Variants in CACNB2 observed in about 807,000 individuals in gnomAD.
CACNB2 encodes voltage-dependent L-type calcium channel subunit beta-2.
In CACNB2, 42 loss-of-function variants were observed where a neutral mutation model predicts 73.3. That is an observed-to-expected ratio of 0.57 (90% CI 0.45 to 0.74). The LOEUF (loss-of-function observed/expected upper bound fraction) is 0.74, where lower values mean the gene tolerates loss of function less well. Among genes scored for constraint, CACNB2 ranks in the 30% least tolerant of loss-of-function variants. The pLI is 0.00. For missense variants in CACNB2, 940 were observed against 853.0 expected (o/e 1.10, Z -1.27); for synonymous variants, 348 against 310.3 (o/e 1.12, Z -1.28).
At chr10:18,433,001 C>T (rs1259105562) in intron 3 of CACNB2, among the ~76,000 whole-genome samples, 1 of 152,060 alleles carries the variant, frequency 6.6e-6, no homozygotes, top group Non-Finnish European at 1.5e-5. Flanking sequence ...TATGACTGCC[C>T]AAATATCGCT....
At chr10:18,190,665 A>G (rs1279742293) in intron 2 of CACNB2, among the ~76,000 whole-genome samples, 1 of 152,194 alleles carries the variant, frequency 6.6e-6, no homozygotes, top group Admixed American at 6.5e-5. Context: ...TGGGATGCAT[A>G]TATTGATTTA....
At chr10:18,287,469 T>C (rs1413724637) in intron 2 of CACNB2, among the ~76,000 whole-genome samples, 1 of 152,220 alleles carries the variant, frequency 6.6e-6, no homozygotes. Context: ...ACATCTGTAT[T>C]AGCTAGGGCT....
chr10:18,286,705 A>C (rs975591533), intron 2 of CACNB2, among the ~76,000 whole-genome samples: 1 of 152,168 alleles, frequency 6.6e-6, no homozygotes, highest in African/African-American at 2.4e-5. Flanking sequence ...AGATGGACTT[A>C]AGATTGTGAT....
intron 2 of CACNB2, among the ~76,000 whole-genome samples, chr10:18,305,074 A>G (rs988230428): frequency 8.5e-5 from 13 of 152,340 alleles, no homozygotes; most frequent in African/African-American, 2.6e-4. Context: ...TCTTATTCCA[A>G]TTCTTCCATG....
At chr10:18,176,609 T>C (rs997031657) in intron 2 of CACNB2, among the ~76,000 whole-genome samples, 5 of 150,602 alleles carry the variant, frequency 3.3e-5, no homozygotes, top group South Asian at 2.1e-4. Context: ...TGAAGGAACA[T>C]TGAAAGTGAT....
intron 9 of CACNB2, among the ~76,000 whole-genome samples, chr10:18,522,465 C>A (rs1456977704): frequency 6.6e-6 from 1 of 152,102 alleles, no homozygotes; most frequent in Non-Finnish European, 1.5e-5. Context: ...AGATTTCTTA[C>A]TATAGTACTT....
chr10:18,360,264 G>C (rs1035733191), intron 2 of CACNB2, among the ~76,000 whole-genome samples: 2 of 152,162 alleles, frequency 1.3e-5, no homozygotes, highest in Non-Finnish European at 2.9e-5. Flanking sequence ...TCACTCTGTT[G>C]CCTAGGCTGG....
At chr10:18,243,918 G>A (rs1588826428) in intron 2 of CACNB2, among the ~76,000 whole-genome samples, 1 of 152,176 alleles carries the variant, frequency 6.6e-6, no homozygotes, top group African/African-American at 2.4e-5. Context: ...CTAAGACAGG[G>A]AACAACGAGA....
At chr10:18,399,568 A>G (rs904592139) in intron 2 of CACNB2, among the ~76,000 whole-genome samples, 1 of 151,950 alleles carries the variant, frequency 6.6e-6, no homozygotes, top group Admixed American at 6.6e-5. Context: ...AGACTTTTTG[A>G]GATAGGGTCT....
chr10:18,336,783 C>T (rs554463334), intron 2 of CACNB2, among the ~76,000 whole-genome samples: 4 of 152,294 alleles, frequency 2.6e-5, no homozygotes, highest in African/African-American at 9.6e-5. Context: ...TAAAAAATAT[C>T]CTAACCCATA....
chr10:18,236,236 G>A (rs74117927), intron 2 of CACNB2, among the ~76,000 whole-genome samples: 4,848 of 152,216 alleles, frequency 0.032, 237 homozygotes, highest in African/African-American at 0.11. Context: ...GGCTGATGCC[G>A]TTCTGTCACT....
At chr10:18,244,854 G>A (rs958037639) in intron 2 of CACNB2, among the ~76,000 whole-genome samples, 1 of 152,224 alleles carries the variant, frequency 6.6e-6, no homozygotes, top group African/African-American at 2.4e-5. Flanking sequence ...GGATTAGCTG[G>A]GTGGGCACAG....
At chr10:18,512,973 A>G in intron 6 of CACNB2, 1 of 227,992 alleles carries the variant, frequency 4.4e-6, no homozygotes, top group Admixed American at 4.8e-5. Context: ...CGCCGGCTGC[A>G]GGTGTTGCAG....
rs193139218 is a variant in CACNB2, at chr10:18,376,265, A to C, written c.214-25659A>C. On this transcript the variant is annotated intron_variant, in intron 2 of 13. Transcript: ENST00000324631. The stretch of plus-strand genomic sequence containing the variant: ...CAGAAAGACAAATTTCTCATGTTCT[A>C]GCTTCCACTTATTTGTGTGAAGCTA... Among the ~76,000 whole-genome samples, 254 of 152,332 alleles carry C rather than the reference A, an allele frequency of 1.7e-3. 5 individuals are homozygous for C. Among genetic ancestry groups the C allele is most frequent in the Admixed American group, 0.013 (206 of 15,292 alleles).
chr10:18,416,891 G>A (rs1490366589), intron 3 of CACNB2, among the ~76,000 whole-genome samples: 1 of 151,666 alleles, frequency 6.6e-6, no homozygotes, highest in Non-Finnish European at 1.5e-5. Flanking sequence ...GAAGGATCTT[G>A]CCCAAGCTCA....
intron 2 of CACNB2, among the ~76,000 whole-genome samples, chr10:18,325,715 C>A (rs1189204182): frequency 7.6e-6 from 1 of 130,938 alleles, no homozygotes; most frequent in African/African-American, 2.8e-5. Context: ...TCCTTCCTTC[C>A]TTCTCTCTCT....
At position 18,295,507 on chromosome 10, in the gene CACNB2, C is replaced by T. The variant is rs118042536; in HGVS notation, c.214-106417C>T. Among the ~76,000 whole-genome samples the T allele has an allele frequency of 5.6e-3, 850 of 152,292 alleles. 13 individuals are homozygous for T. In the East Asian group the frequency reaches 0.076, roughly 14 times the overall value. On this transcript the variant is annotated intron_variant, in intron 2 of 13. Transcript: ENST00000324631. ...AGGAACTGAAATCAGTCACACTGAA[C>T]CTCCCAGTGTTCCATATCTATGGTC...
intron 2 of CACNB2, among the ~76,000 whole-genome samples, chr10:18,317,766 G>A (rs947249501): frequency 6.6e-6 from 1 of 152,052 alleles, no homozygotes; most frequent in African/African-American, 2.4e-5. Context: ...GAAAATTTCT[G>A]ACATTTATTT....
At position 18,184,304 on chromosome 10, in the gene CACNB2, C is replaced by T. The variant is rs75019668; in HGVS notation, c.213+33329C>T. On this transcript the variant is annotated intron_variant, in intron 2 of 13. Coordinates refer to ENST00000324631, the MANE Select transcript of CACNB2 (RefSeq NM_201596.3). Reference sequence around the variant, plus strand: ...CATGGTTATAGGAAGTATTAAGCACCTAAGTTTAAAACAGAAAAGGAAATG... The same window carrying T: ...CATGGTTATAGGAAGTATTAAGCACTTAAGTTTAAAACAGAAAAGGAAATG... Among the ~76,000 whole-genome samples, 916 of 152,158 alleles carry T rather than the reference C, an allele frequency of 6.0e-3. 8 individuals are homozygous for T. The highest frequency in any genetic ancestry group is 0.021 in the African/African-American group (884 of 41,520).
Sources: allele counts gnomAD v4.1 joint callset (sites outside exome capture counted in the v4.1 genomes callset), GRCh38; gene constraint gnomAD v4.1.1; transcripts MANE v1.5; gene names NCBI Gene and HGNC (gene_info 2026-07-23, HGNC 2026-07-21).